The following MYRF variants were observed in gnomAD, a reference collection of about 807,000 sequenced individuals.
MYRF encodes myelin regulatory factor.
Under a neutral mutation model 126.3 loss-of-function variants are expected in MYRF, and 16 were observed. The ratio of observed to expected loss-of-function variants is 0.13; its 90% CI spans 0.09 to 0.19. The LOEUF (loss-of-function observed/expected upper bound fraction) is 0.19. MYRF is among the 10% of genes least tolerant of loss of function. The pLI, the probability that MYRF is intolerant of heterozygous loss-of-function variation, is 1.00. For missense variants in MYRF, 1,104 were observed against 1,547.0 expected (o/e 0.71, Z 4.80); for synonymous variants, 608 against 635.3 (o/e 0.96, Z 0.65).
chr11:61,775,215 T>C (rs2066343014), intron 8 of MYRF, among the ~76,000 whole-genome samples: 1 of 152,112 alleles, frequency 6.6e-6, no homozygotes, highest in African/African-American at 2.4e-5. Context: ...CTCCCTATCC[T>C]TCCAAGGCCC....
rs2066188265 is a variant in MYRF, at chr11:61,770,463, T to A, written c.678T>A (p.Thr226=). Residue 226 remains threonine, a synonymous_variant, in exon 5 of 27, where the codon ACT becomes ACA. Transcript: ENST00000278836. ...CCATGGGGCAGGGGCTGGTGCCCAC[T>A]GATCTTCACCACACCCAGCAGTCCC... ...YAAMGQGLVP[T]DLHHTQQSQM... is the part of the protein sequence containing the mutation. 2 of 1,561,036 alleles carry A rather than the reference T, an allele frequency of 1.3e-6. No individual in the cohort carries two copies. The highest frequency in any genetic ancestry group is 3.8e-5 in the Admixed American group (2 of 52,652).
chr11:61,787,396 G>A lies in MYRF; in HGVS notation c.*1253G>A, dbSNP rs2066719346. On this transcript the variant is annotated 3_prime_UTR_variant, in exon 27 of 27. Coordinates refer to ENST00000278836, the MANE Select transcript of MYRF (RefSeq NM_001127392.3). ...CTACATCCAGGCTCATGGAAGGAGT[G>A]TAGTATTCATTTAGCCATGTCTGCC... is the stretch of plus-strand genomic sequence containing the variant. 2 of 152,402 alleles carry A rather than the reference G, an allele frequency of 1.3e-5. No homozygotes were observed. The highest frequency in any genetic ancestry group is 2.9e-5 in the Non-Finnish European group (2 of 68,034). 9.4% of individuals were successfully genotyped at this position (152,402 alleles called of 1,614,324 possible).
chr11:61,763,824 C>A (rs2065970517), intron 1 of MYRF, among the ~76,000 whole-genome samples: 1 of 151,934 alleles, frequency 6.6e-6, no homozygotes, highest in African/African-American at 2.4e-5. Context: ...AAGATTGCAC[C>A]ACTGCACTCC....
At chr11:61,773,932 GGGCCTCAGGGGAGT>G (rs760923598) in intron 7 of MYRF, 21 bp from the exon 8 acceptor site, 66 of 1,563,080 alleles carry the variant, frequency 4.2e-5, no homozygotes, top group Non-Finnish European at 5.5e-5. Context: ...CCCGGCTCTG[GGGCCTCAGGGGAGT>G]GCCCTCACCC....
intron 5 of MYRF, among the ~76,000 whole-genome samples, chr11:61,770,953 G>T (rs1445282076): frequency 6.6e-6 from 1 of 152,190 alleles, no homozygotes; most frequent in Non-Finnish European, 1.5e-5. Context: ...CTGCACGATT[G>T]TCTTTTCATC....
In MYRF at chr11:61,757,088, C is replaced by T; in HGVS notation, c.46+4298C>T. Reference sequence around the variant, plus strand: ...ACCCAGGCAGCCTGCCTTACCTTCCCACCTTCCTCTTCACGGACCTAGCAC... The same window carrying T: ...ACCCAGGCAGCCTGCCTTACCTTCCTACCTTCCTCTTCACGGACCTAGCAC... On this transcript the variant is annotated intron_variant, in intron 1 of 26. Transcript: ENST00000278836. This position sits in a 1 kb window ranked among gnomAD's most constrained non-coding sequence, Gnocchi z 4.7. The T allele has an allele frequency of 2.3e-6, 1 of 439,050 alleles. No homozygotes were observed. Among genetic ancestry groups the T allele is most frequent in the Non-Finnish European group, 4.7e-6 (1 of 213,774 alleles). 27.2% of individuals were successfully genotyped at this position (439,050 alleles called of 1,614,324 possible).
intron 7 of MYRF, among the ~76,000 whole-genome samples, chr11:61,772,769 C>T (rs1157152186): frequency 4.6e-5 from 7 of 152,232 alleles, no homozygotes; most frequent in Non-Finnish European, 7.4e-5. Context: ...CGGAAGTGGC[C>T]CAGGCACTTC....
At chr11:61,759,801 G>T (rs937249864) in intron 1 of MYRF, among the ~76,000 whole-genome samples, 1 of 152,136 alleles carries the variant, frequency 6.6e-6, no homozygotes, top group Non-Finnish European at 1.5e-5. Context: ...ATAGAAAAAC[G>T]GCTCAAGAGC....
At chr11:61,775,974 C>A in intron 8 of MYRF, 82 bp from the exon 9 acceptor site, 1 of 1,360,598 alleles carries the variant, frequency 7.3e-7, no homozygotes, top group Non-Finnish European at 1.0e-6. Flanking sequence ...CTAGTTGGGC[C>A]AGGCCTGGCT....
Position 61,757,407 on chromosome 11 carries a change from A to G in MYRF, c.46+4617A>G. On this transcript the variant is annotated intron_variant, in intron 1 of 26. Transcript: ENST00000278836. The surrounding 1 kb of genome is among the most constrained non-coding windows in gnomAD (Gnocchi z 4.7). ...GTTGTAATGGCAGGGCCTCCGTCCC[A>G]GGGTTTCTGGGGTGATTAGGTAAGA... The G allele has an allele frequency of 2.2e-6, 1 of 451,736 alleles. No individual in the cohort carries two copies. Among genetic ancestry groups the G allele is most frequent in the Non-Finnish European group, 4.5e-6 (1 of 223,366 alleles). 28.0% of individuals were successfully genotyped at this position (451,736 alleles called of 1,614,324 possible).
Position 61,776,743 on chromosome 11 carries a change from C to A in MYRF, c.1500-44C>A. 6.8e-7 allele frequency: 1 copy of A among 1,464,916 alleles called. No individual in the cohort carries two copies. Among genetic ancestry groups the A allele is most frequent in the Non-Finnish European group, 9.3e-7 (1 of 1,075,738 alleles). The allele number at this position is 1,464,916 out of a possible 1,614,324, so 90.7% of individuals were successfully genotyped here. A position where few individuals can be genotyped will look rare whatever the true frequency, so the allele number is the denominator to read the frequency against. On this transcript the variant is annotated intron_variant, in intron 10 of 26. Coordinates refer to ENST00000278836, the MANE Select transcript of MYRF (RefSeq NM_001127392.3). This position sits in a 1 kb window ranked among gnomAD's most constrained non-coding sequence, Gnocchi z 4.3. ...GCCAGGGAAAGGGTGGCCCTGGGGG[C>A]GGGGGCAGGCCATGAGTACTTCTGA... is the stretch of plus-strand genomic sequence containing the variant.
At chr11:61,770,588 G>A in intron 5 of MYRF, 63 bp downstream of exon 5, 1 of 1,467,162 alleles carries the variant, frequency 6.8e-7, no homozygotes, top group East Asian at 2.5e-5. Context: ...AGGGTGGGCA[G>A]GGCGGCGGGC....
chr11:61,783,808 G>T lies in MYRF; in HGVS notation c.3120-43G>T. 1 of 1,551,726 alleles carries T rather than the reference G, an allele frequency of 6.4e-7. No homozygotes were observed. The highest frequency in any genetic ancestry group is 2.4e-5 in the East Asian group (1 of 42,094). ...GGAGTCCCTGGTGGGGGTGGGGGGT[G>T]GCAGGGTACCCTCAGGCTAAGGTGC... is the stretch of plus-strand genomic sequence containing the variant. On this transcript the variant is annotated intron_variant, in intron 23 of 26. Transcript: ENST00000278836. This position sits in a 1 kb window ranked among gnomAD's most constrained non-coding sequence, Gnocchi z 4.6.
intron 1 of MYRF, among the ~76,000 whole-genome samples, chr11:61,761,283 A>C: frequency 7.5e-6 from 1 of 133,508 alleles, no homozygotes; most frequent in Non-Finnish European, 1.6e-5. Flanking sequence ...CATAAGCACA[A>C]GGAGGGGCGG....
At chr11:61,759,487 T>C (rs1202307001) in intron 1 of MYRF, among the ~76,000 whole-genome samples, 1 of 152,040 alleles carries the variant, frequency 6.6e-6, no homozygotes, top group Non-Finnish European at 1.5e-5. Flanking sequence ...CTGGCCAACA[T>C]AGTGAAATCC....
intron 1 of MYRF, among the ~76,000 whole-genome samples, chr11:61,753,095 C>G (rs2065651687): frequency 6.6e-6 from 1 of 152,128 alleles, no homozygotes; most frequent in African/African-American, 2.4e-5. Context: ...TAAATTGTGA[C>G]ACTCTCGCCC....
rs949099000 is a variant in MYRF at position 61,769,255 on chromosome 11, C to T, written c.399-5C>T. The T allele has an allele frequency of 3.1e-6, 5 of 1,594,026 alleles. No individual in the cohort carries two copies. The highest frequency in any genetic ancestry group is 1.1e-5 in the South Asian group (1 of 87,398). ...CCCCCCGGCCCCTTCCCCTGGCTCT[C>T]GCAGCACACTGCCGGACTCTCCCCC... On this transcript the variant is annotated splice_region_variant and splice_polypyrimidine_tract_variant and intron_variant, in intron 3 of 26. Transcript: ENST00000278836.
rs2066606409 is a variant in MYRF at position 61,783,452 on chromosome 11, C to A, written c.3017-46C>A. ...AGTCTGGCAAGGAAAGACTTGCCAGCTTCTCATTTGTGTCCTGCCTTGTCA... is the reference window on the plus strand; with the variant it reads ...AGTCTGGCAAGGAAAGACTTGCCAGATTCTCATTTGTGTCCTGCCTTGTCA... On this transcript the variant is annotated intron_variant, in intron 22 of 26. Transcript: ENST00000278836. This position sits in a 1 kb window ranked among gnomAD's most constrained non-coding sequence, Gnocchi z 4.6. 6.8e-7 allele frequency: 1 copy of A among 1,470,766 alleles called. No homozygotes were observed. Among genetic ancestry groups the A allele is most frequent in the Admixed American group, 1.7e-5 (1 of 58,584 alleles). 91.1% of individuals were successfully genotyped at this position (1,470,766 alleles called of 1,614,324 possible). A position where few individuals can be genotyped will look rare whatever the true frequency, so the allele number is the denominator to read the frequency against.
At chr11:61,755,449 G>A (rs758968257) in intron 1 of MYRF, 8 of 1,609,836 alleles carry the variant, frequency 5.0e-6, no homozygotes, top group South Asian at 1.1e-5. Flanking sequence ...GCAGGTAACC[G>A]GGCCATGGTA....
Sources: allele counts gnomAD v4.1 joint callset (sites outside exome capture counted in the v4.1 genomes callset), GRCh38; gene constraint gnomAD v4.1.1; non-coding constraint Gnocchi (gnomAD v3.1); transcripts MANE v1.5; gene names NCBI Gene and HGNC (gene_info 2026-07-23, HGNC 2026-07-21).